Variants in ATAD2B observed in about 807,000 individuals in gnomAD.
The protein encoded by ATAD2B is ATPase family AAA domain containing 2B.
In ATAD2B, 40 loss-of-function variants were observed where a neutral mutation model predicts 167.6. That is an observed-to-expected ratio of 0.24 (90% CI 0.19 to 0.31). The LOEUF (loss-of-function observed/expected upper bound fraction) is 0.31, where lower values mean the gene tolerates loss of function less well. ATAD2B is among the 10% of genes least tolerant of loss of function. The pLI is 1.00. For missense variants in ATAD2B, 1,242 were observed against 1,757.2 expected (o/e 0.71, Z 5.24); for synonymous variants, 579 against 596.5 (o/e 0.97, Z 0.43).
chr2:23,708,288 A>C, the ATAD2B span: 1 of 152,232 alleles, frequency 6.6e-6, no homozygotes, highest in African/African-American at 2.4e-5. Flanking sequence ...AACTACATAC[A>C]TTGTATGTCA....
rs186016456 is a variant in ATAD2B, at chr2:23,830,998, C to T, written c.1729-2059G>A. 1.1e-3 allele frequency among the ~76,000 whole-genome samples: 170 copies of T among 152,220 alleles called. 1 individual carries two copies. Among genetic ancestry groups the T allele is most frequent in the African/African-American group, 4.0e-3 (166 of 41,542 alleles). ...CTTCAGGTCCCTAATAATGCTCTTTCCCTATATAACCCAATCAAAGTCACT... is the reference window on the plus strand; with the variant it reads ...CTTCAGGTCCCTAATAATGCTCTTTTCCTATATAACCCAATCAAAGTCACT... On this transcript the variant is annotated intron_variant, in intron 14 of 27. Coordinates refer to ENST00000238789, the MANE Select transcript of ATAD2B (RefSeq NM_017552.4).
chr2:23,688,296 T>C, the ATAD2B span, among the ~76,000 whole-genome samples: 1 of 152,174 alleles, frequency 6.6e-6, no homozygotes. Context: ...CGGAGTCCTC[T>C]CTTCTGAGCA....
At chr2:23,729,915 A>C in the ATAD2B span, among the ~76,000 whole-genome samples, 1 of 152,224 alleles carries the variant, frequency 6.6e-6, no homozygotes, top group African/African-American at 2.4e-5. Context: ...AACTGATAGA[A>C]CTGAAAACAG....
In ATAD2B at chr2:23,880,650, G is replaced by T. The variant is rs771072210; in HGVS notation, c.890C>A (p.Ala297Glu). Residue 297 changes from alanine to glutamate, a missense_variant, in exon 7 of 28, where the codon GCA becomes GAA. Coordinates refer to ENST00000238789, the MANE Select transcript of ATAD2B (RefSeq NM_017552.4). ...RQRKTVDRYQ[A>E]PPIVPAHQKK... ...TTAGAGTTGCCTACCTATTGGAGGT[G>T]CTTGGTATCGATCCACTGTTTTTCT... The T allele has an allele frequency of 6.3e-7, 1 of 1,595,800 alleles. No individual in the cohort carries two copies. The highest frequency in any genetic ancestry group is 8.6e-7 in the Non-Finnish European group (1 of 1,167,636).
At chr2:23,777,999 G>C (rs1206540792) in intron 22 of ATAD2B, among the ~76,000 whole-genome samples, 1 of 152,124 alleles carries the variant, frequency 6.6e-6, no homozygotes, top group Non-Finnish European at 1.5e-5. Context: ...CTGTAAAAGA[G>C]AACACTGTAA....
the ATAD2B span, among the ~76,000 whole-genome samples, chr2:23,700,891 C>T: frequency 2.6e-5 from 4 of 152,148 alleles, no homozygotes; most frequent in South Asian, 2.1e-4. This position sits in a 1 kb window ranked among gnomAD's most constrained non-coding sequence, Gnocchi z 4.6. Flanking sequence ...GGACGCCTCT[C>T]AGCTCCCCTC....
chr2:23,740,414 T>C, the ATAD2B span, among the ~76,000 whole-genome samples: 9 of 151,740 alleles, frequency 5.9e-5, no homozygotes, highest in Non-Finnish European at 1.0e-4. Context: ...AATCAATAAA[T>C]GTAATCCAGC....
chr2:23,808,043 TTA>T (rs1486522519), intron 18 of ATAD2B, among the ~76,000 whole-genome samples: 1 of 29,212 alleles, frequency 3.4e-5, no homozygotes, highest in Non-Finnish European at 6.6e-5. Flanking sequence ...TGTAATTTAT[TTA>T]TATATAAGTA....
the ATAD2B span, chr2:23,696,406 C>T: frequency 5.2e-6 from 8 of 1,551,504 alleles, no homozygotes; most frequent in Non-Finnish European, 5.2e-6. The surrounding 1 kb of genome is among the most constrained non-coding windows in gnomAD (Gnocchi z 5.5). Flanking sequence ...GGAACCTCGT[C>T]TCCAGAATGA....
At chr2:23,682,093 G>A in the ATAD2B span, among the ~76,000 whole-genome samples, 1 of 151,642 alleles carries the variant, frequency 6.6e-6, no homozygotes, top group South Asian at 2.1e-4. This position sits in a 1 kb window ranked among gnomAD's most constrained non-coding sequence, Gnocchi z 4.1. Flanking sequence ...CCAAAAACCT[G>A]TTAGTGGTCT....
In ATAD2B at chr2:23,863,565, T is replaced by TA. The variant is rs1430275659; in HGVS notation, c.1305-11dup. The TA allele has an allele frequency of 5.2e-6, 8 of 1,537,042 alleles. No homozygotes were observed. Among genetic ancestry groups the TA allele is most frequent in the Admixed American group, 2.3e-5 (1 of 44,430 alleles). The stretch of plus-strand genomic sequence containing the variant: ...ATAAAACAAACAGCCCCTAGAAGAA[T>TA]AAAAAAATCAAGAAGTGTAAATTAT... On this transcript the variant is annotated splice_polypyrimidine_tract_variant and intron_variant, in intron 11 of 27. Coordinates refer to ENST00000238789, the MANE Select transcript of ATAD2B (RefSeq NM_017552.4).
At chr2:23,811,472 G>A (rs919807686) in intron 17 of ATAD2B, 1 of 152,226 alleles carries the variant, frequency 6.6e-6, no homozygotes, top group Non-Finnish European at 1.5e-5. Flanking sequence ...CTTCATCTTA[G>A]ACTTTCAGCC....
intron 12 of ATAD2B, among the ~76,000 whole-genome samples, chr2:23,861,129 C>CTGT (rs758269955): frequency 6.7e-6 from 1 of 149,946 alleles, no homozygotes; most frequent in Non-Finnish European, 1.5e-5. Flanking sequence ...AAACAAACAA[C>CTGT]TGTTGTTGTT....
At chr2:23,836,025 T>C (rs12616527) in intron 13 of ATAD2B, among the ~76,000 whole-genome samples, 1 of 151,996 alleles carries the variant, frequency 6.6e-6, no homozygotes, top group African/African-American at 2.4e-5. Flanking sequence ...CTGTGGCTGG[T>C]AGTGCCTCTG....
chr2:23,908,318 T>C (rs959721520), intron 1 of ATAD2B, among the ~76,000 whole-genome samples: 3 of 151,944 alleles, frequency 2.0e-5, no homozygotes, highest in African/African-American at 4.8e-5. Context: ...CATCAACAAG[T>C]GGGTGAAGGA....
At chr2:23,684,660 TCTC>T in the ATAD2B span, 16 of 715,778 alleles carry the variant, frequency 2.2e-5, no homozygotes, top group Non-Finnish European at 2.9e-5. This position sits in a 1 kb window ranked among gnomAD's most constrained non-coding sequence, Gnocchi z 4.4. Flanking sequence ...CCAGTAGCCA[TCTC>T]TCCTCCTCCT....
At position 23,878,010 on chromosome 2, in the gene ATAD2B, CAAAGAAAAAAAA is replaced by C. The variant is rs1428922840; in HGVS notation, c.902-2118_902-2107del. Among the ~76,000 whole-genome samples, 31 of 28,610 alleles carry C rather than the reference CAAAGAAAAAAAA, an allele frequency of 1.1e-3. 1 individual carries two copies. The highest frequency in any genetic ancestry group is 0.036 in the Middle Eastern group (1 of 28). The allele number at this position is 28,610 out of a possible 152,430, so 18.8% of individuals were successfully genotyped here. A position where few individuals can be genotyped will look rare whatever the true frequency, so the allele number is the denominator to read the frequency against. ...ACTCCAGCCTGGATGACCCTATCTC[CAAAGAAAAAAAA>C]AAAAAAAAAAAAAAAAAGCAAAATG... On this transcript the variant is annotated intron_variant, in intron 7 of 27. Coordinates refer to ENST00000238789, the MANE Select transcript of ATAD2B (RefSeq NM_017552.4).
chr2:23,910,613 A>G (rs919600786), intron 1 of ATAD2B, among the ~76,000 whole-genome samples: 2 of 150,656 alleles, frequency 1.3e-5, no homozygotes, highest in East Asian at 2.0e-4. Flanking sequence ...CGCACCTGTA[A>G]TCCCAGCAGT....
At chr2:23,921,205 C>CAAAAAAAAAAAAAAAAAAAAAAA (rs61004964) in intron 1 of ATAD2B, among the ~76,000 whole-genome samples, 1 of 32,288 alleles carries the variant, frequency 3.1e-5, no homozygotes, top group African/African-American at 1.3e-4. Context: ...GACTCCATCT[C>CAAAAAAAAAAAAAAAAAAAAAAA]AAAAAAAAAA....
Sources: gnomAD v4.1 joint callset for allele counts (sites outside exome capture counted in the v4.1 genomes callset) on GRCh38, gnomAD v4.1.1 for gene constraint, Gnocchi (gnomAD v3.1) non-coding constraint, MANE v1.5 for transcripts, NCBI Gene and HGNC (gene_info 2026-07-23, HGNC 2026-07-21) for gene names.